Variants in DLG2 observed in about 807,000 individuals in gnomAD.
The protein encoded by DLG2 is disks large homolog 2.
In DLG2, 45 loss-of-function variants were observed where a neutral mutation model predicts 132.5. That is an observed-to-expected ratio of 0.34 (90% CI 0.27 to 0.44). The LOEUF (loss-of-function observed/expected upper bound fraction) is 0.44, where lower values mean the gene tolerates loss of function less well. Ranked by LOEUF, DLG2 falls within the 20% of genes least tolerant of loss-of-function variation. DLG2 has a pLI of 1.00. For missense variants in DLG2, 1,045 were observed against 1,196.9 expected (o/e 0.87, Z 1.87); for synonymous variants, 424 against 419.6 (o/e 1.01, Z -0.13).
chr11:85,447,740 T>C (rs898536289), intron 3 of DLG2, among the ~76,000 whole-genome samples: 4 of 152,082 alleles, frequency 2.6e-5, no homozygotes, highest in Non-Finnish European at 5.9e-5. Context: ...ATTTGAAGCT[T>C]AAAATTTCTG....
At chr11:85,613,722 G>A (rs1009472530) in intron 2 of DLG2, among the ~76,000 whole-genome samples, 1 of 152,206 alleles carries the variant, frequency 6.6e-6, no homozygotes, top group Non-Finnish European at 1.5e-5. Flanking sequence ...GGATGTGGGT[G>A]GGGCCAAATA....
intron 11 of DLG2, among the ~76,000 whole-genome samples, chr11:84,027,315 A>G (rs1306342547): frequency 6.6e-6 from 1 of 152,108 alleles, no homozygotes; most frequent in Non-Finnish European, 1.5e-5. Flanking sequence ...CTACTAACTC[A>G]TGTTTGATTT....
intron 21 of DLG2, among the ~76,000 whole-genome samples, chr11:83,516,848 T>G (rs576558658): frequency 1.4e-4 from 21 of 152,370 alleles, no homozygotes; most frequent in Non-Finnish European, 2.4e-4. Flanking sequence ...TGTTGAATAT[T>G]GGGCCCGTCT....
intron 6 of DLG2, among the ~76,000 whole-genome samples, chr11:85,005,593 G>A (rs893376322): frequency 7.9e-5 from 12 of 152,190 alleles, no homozygotes; most frequent in African/African-American, 2.9e-4. Flanking sequence ...CTTAGACTTT[G>A]CAGAAGTTGC....
intron 6 of DLG2, among the ~76,000 whole-genome samples, chr11:84,978,646 C>T (rs900388330): frequency 2.0e-5 from 3 of 152,094 alleles, no homozygotes; most frequent in Non-Finnish European, 4.4e-5. Context: ...CTTCCTTACA[C>T]GTTATACAAA....
chr11:84,453,704 G>A (rs1026789148), intron 7 of DLG2, among the ~76,000 whole-genome samples: 1 of 151,540 alleles, frequency 6.6e-6, no homozygotes, highest in East Asian at 1.9e-4. Flanking sequence ...CATTTTACAC[G>A]TAAGTAAACT....
chr11:83,626,552 T>C (rs1037067159), intron 19 of DLG2, among the ~76,000 whole-genome samples: 3 of 152,246 alleles, frequency 2.0e-5, no homozygotes, highest in African/African-American at 7.2e-5. Context: ...TCATATTACA[T>C]AGCCTTTGAG....
chr11:84,391,287 T>C (rs952279663), intron 7 of DLG2, among the ~76,000 whole-genome samples: 4 of 152,204 alleles, frequency 2.6e-5, no homozygotes, highest in African/African-American at 9.6e-5. Context: ...GACAAGTATG[T>C]ACGTTATCCT....
At chr11:85,208,987 T>C (rs776664848) in intron 4 of DLG2, among the ~76,000 whole-genome samples, 27 of 152,116 alleles carry the variant, frequency 1.8e-4, no homozygotes, top group Non-Finnish European at 3.7e-4. Context: ...TGTAAGTCCT[T>C]TGCAAGTACA....
chr11:84,471,402 AC>A (rs1244857988), intron 7 of DLG2, among the ~76,000 whole-genome samples: 1 of 150,968 alleles, frequency 6.6e-6, no homozygotes, highest in Non-Finnish European at 1.5e-5. Flanking sequence ...TTCTCCAACA[AC>A]CCTTTCTCTT....
At chr11:85,377,884 C>A (rs1199420481) in intron 3 of DLG2, among the ~76,000 whole-genome samples, 1 of 149,036 alleles carries the variant, frequency 6.7e-6, no homozygotes, top group Non-Finnish European at 1.5e-5. Flanking sequence ...CACACACACA[C>A]AAACACACAC....
At position 85,606,166 on chromosome 11, in the gene DLG2, G is replaced by A. The variant is rs531832212; in HGVS notation, c.-92-7378C>T. Reference sequence around the variant, plus strand: ...GATTTAGAACGATTAACTATAGTATGATATGTATCCATTAAAACAAGCAAT... The same window carrying A: ...GATTTAGAACGATTAACTATAGTATAATATGTATCCATTAAAACAAGCAAT... On this transcript the variant is annotated intron_variant, in intron 2 of 27. Transcript: ENST00000376104. Among the ~76,000 whole-genome samples, 3 of 152,276 alleles carry A rather than the reference G, an allele frequency of 2.0e-5. No homozygotes were observed. The South Asian group carries it at 6.2e-4, about 32-fold the overall frequency.
chr11:85,093,168 G>T (rs1337988351), intron 6 of DLG2, among the ~76,000 whole-genome samples: 1 of 152,126 alleles, frequency 6.6e-6, no homozygotes, highest in African/African-American at 2.4e-5. Flanking sequence ...ATATCAGCAA[G>T]TGTTATTGAT....
chr11:84,032,434 A>G (rs1294529321), intron 11 of DLG2, among the ~76,000 whole-genome samples: 1 of 152,222 alleles, frequency 6.6e-6, no homozygotes, highest in Non-Finnish European at 1.5e-5. Context: ...AACCCAGAGC[A>G]AGGCCCTAAA....
intron 17 of DLG2, among the ~76,000 whole-genome samples, chr11:83,825,154 T>C (rs59931953): frequency 0.04 from 1,931 of 48,126 alleles, 29 homozygotes; most frequent in African/African-American, 0.067. Context: ...CACACACACA[T>C]ATATATATAT....
chr11:83,704,077 AT>A (rs765227915), intron 18 of DLG2, among the ~76,000 whole-genome samples: 1 of 152,160 alleles, frequency 6.6e-6, no homozygotes, highest in Admixed American at 6.5e-5. Flanking sequence ...ATCAATAGTT[AT>A]TTTTTATTGC....
intron 3 of DLG2, among the ~76,000 whole-genome samples, chr11:85,569,766 G>C (rs1429731854): frequency 6.6e-6 from 1 of 152,152 alleles, no homozygotes; most frequent in Non-Finnish European, 1.5e-5. Flanking sequence ...ATATGCTGTT[G>C]GTGGGAATGC....
chr11:85,467,217 G>T (rs373710663), intron 3 of DLG2, among the ~76,000 whole-genome samples: 2 of 152,256 alleles, frequency 1.3e-5, no homozygotes, highest in Admixed American at 6.5e-5. Context: ...GGGCTGAGAC[G>T]ATGGGGTTTT....
chr11:85,391,977 T>C (rs2086835465), intron 3 of DLG2, among the ~76,000 whole-genome samples: 1 of 151,962 alleles, frequency 6.6e-6, no homozygotes, highest in African/African-American at 2.4e-5. Flanking sequence ...GCATCCAAAT[T>C]GGTAATGAGG....
Sources: allele counts gnomAD v4.1 joint callset (sites outside exome capture counted in the v4.1 genomes callset), GRCh38; gene constraint gnomAD v4.1.1; transcripts MANE v1.5; gene names NCBI Gene and HGNC (gene_info 2026-07-23, HGNC 2026-07-21).